The following CEP63 variants were observed in gnomAD, a reference collection of about 807,000 sequenced individuals.
The protein encoded by CEP63 is centrosomal protein of 63 kDa.
In CEP63, 84 loss-of-function variants were observed where a neutral mutation model predicts 89.1. That is an observed-to-expected ratio of 0.94 (90% CI 0.79 to 1.13). CEP63 has a LOEUF of 1.13. CEP63 is among the 50% of genes most tolerant of loss of function. The pLI is 0.00. For missense variants in CEP63, 838 were observed against 813.3 expected (o/e 1.03, Z -0.37); for synonymous variants, 267 against 272.5 (o/e 0.98, Z 0.20).
chr3:134,727,229 C>T, the CEP63 span, among the ~76,000 whole-genome samples: 1 of 152,118 alleles, frequency 6.6e-6, no homozygotes, highest in African/African-American at 2.4e-5. Flanking sequence ...AAAGAAGTCC[C>T]CATTTAATAG....
the CEP63 span, among the ~76,000 whole-genome samples, chr3:134,707,641 T>C: frequency 4.6e-5 from 7 of 152,096 alleles, no homozygotes; most frequent in Non-Finnish European, 8.8e-5. Flanking sequence ...GACTTTCAGG[T>C]TGTACAACGG....
At chr3:134,712,409 C>A in the CEP63 span, among the ~76,000 whole-genome samples, 1 of 151,972 alleles carries the variant, frequency 6.6e-6, no homozygotes, top group Non-Finnish European at 1.5e-5. Flanking sequence ...AACAATTCTA[C>A]CTCTTGGGAA....
intron 11 of CEP63, among the ~76,000 whole-genome samples, chr3:134,550,528 C>T (rs1242638314): frequency 6.6e-6 from 1 of 152,100 alleles, no homozygotes; most frequent in Non-Finnish European, 1.5e-5. Context: ...GCTGCAAAGG[C>T]CTTCCAGAAG....
At chr3:134,758,156 T>C in the CEP63 span, among the ~76,000 whole-genome samples, 5 of 152,172 alleles carry the variant, frequency 3.3e-5, no homozygotes, top group Non-Finnish European at 7.3e-5. Flanking sequence ...AACGGCACAA[T>C]TGCAAACTCC....
chr3:134,741,445 T>C, the CEP63 span, among the ~76,000 whole-genome samples: 1 of 152,092 alleles, frequency 6.6e-6, no homozygotes, highest in Non-Finnish European at 1.5e-5. Flanking sequence ...CCCCGGTCAG[T>C]CTCCCTCACA....
intron 2 of CEP63, among the ~76,000 whole-genome samples, chr3:134,506,765 A>T (rs573501353): frequency 1.1e-4 from 16 of 152,076 alleles, no homozygotes; most frequent in African/African-American, 3.6e-4. Context: ...ACTAAAAATA[A>T]AAATTAGCCG....
the CEP63 span, among the ~76,000 whole-genome samples, chr3:134,634,922 G>T: frequency 6.6e-6 from 1 of 152,208 alleles, no homozygotes; most frequent in Non-Finnish European, 1.5e-5. Flanking sequence ...AGGATGCAGA[G>T]AAATTGGATC....
At chr3:134,571,593 A>G (rs1441916380) in intron 11 of CEP63, among the ~76,000 whole-genome samples, 1 of 152,148 alleles carries the variant, frequency 6.6e-6, no homozygotes, top group African/African-American at 2.4e-5. Flanking sequence ...AGGCAGGAGA[A>G]TGGCGTGGAC....
At chr3:134,715,939 T>C in the CEP63 span, among the ~76,000 whole-genome samples, 1 of 152,184 alleles carries the variant, frequency 6.6e-6, no homozygotes, top group Non-Finnish European at 1.5e-5. Context: ...CAGATCTTAC[T>C]TATAGATCTA....
intron 3 of CEP63, among the ~76,000 whole-genome samples, chr3:134,522,564 C>T (rs886899262): frequency 1.3e-5 from 2 of 152,064 alleles, no homozygotes; most frequent in African/African-American, 4.8e-5. Context: ...ATTATTTCAT[C>T]ACCCAGGTAT....
chr3:134,692,054 C>G, the CEP63 span, among the ~76,000 whole-genome samples: 1 of 152,058 alleles, frequency 6.6e-6, no homozygotes, highest in African/African-American at 2.4e-5. Flanking sequence ...TGTTTGGTGC[C>G]TTGATTTCCT....
the CEP63 span, among the ~76,000 whole-genome samples, chr3:134,599,510 C>T: frequency 1.6e-4 from 25 of 152,128 alleles, no homozygotes; most frequent in African/African-American, 4.3e-4. Flanking sequence ...CTTAGGTGAC[C>T]GGCTGGAAAG....
the CEP63 span, among the ~76,000 whole-genome samples, chr3:134,769,167 G>A: frequency 2.5e-3 from 377 of 152,280 alleles, no homozygotes; most frequent in Non-Finnish European, 4.5e-3. Context: ...TTGATTGTAT[G>A]TCTCAAGAGA....
chr3:134,683,642 T>A, the CEP63 span, among the ~76,000 whole-genome samples: 2 of 151,628 alleles, frequency 1.3e-5, no homozygotes, highest in Non-Finnish European at 2.9e-5. Flanking sequence ...CCAGGACACT[T>A]GTTTCAGACA....
chr3:134,641,532 A>G, the CEP63 span, among the ~76,000 whole-genome samples: 2 of 152,164 alleles, frequency 1.3e-5, no homozygotes. Flanking sequence ...GAGGCAAGGA[A>G]TGAATGCACC....
chr3:134,588,604 A>G (rs1278194326), downstream of CEP63, among the ~76,000 whole-genome samples: 2 of 152,224 alleles, frequency 1.3e-5, no homozygotes, highest in Non-Finnish European at 2.9e-5. Flanking sequence ...GTAGCTTTAA[A>G]TTTATATTTT....
the CEP63 span, among the ~76,000 whole-genome samples, chr3:134,609,448 G>A: frequency 1.3e-5 from 2 of 152,148 alleles, no homozygotes; most frequent in African/African-American, 2.4e-5. Flanking sequence ...CGTGTAGGAT[G>A]TGTGTGCACA....
the CEP63 span, among the ~76,000 whole-genome samples, chr3:134,702,535 A>G: frequency 2.6e-5 from 4 of 152,154 alleles, no homozygotes; most frequent in African/African-American, 7.2e-5. Context: ...CACATAGACT[A>G]ATGGAACAGA....
the CEP63 span, among the ~76,000 whole-genome samples, chr3:134,631,955 T>G: frequency 6.6e-6 from 1 of 152,124 alleles, no homozygotes; most frequent in Non-Finnish European, 1.5e-5. Flanking sequence ...CTTTAACTAC[T>G]ATGATATAGG....
Sources: allele counts gnomAD v4.1 joint callset (sites outside exome capture counted in the v4.1 genomes callset), GRCh38; gene constraint gnomAD v4.1.1; transcripts MANE v1.5; gene names NCBI Gene and HGNC (gene_info 2026-07-23, HGNC 2026-07-21).